Variants in RNF4 observed in about 807,000 individuals in gnomAD.
RNF4 encodes the protein E3 ubiquitin-protein ligase RNF4.
A neutral mutation model predicts 24.3 loss-of-function variants in RNF4; 7 were observed. That is an observed-to-expected ratio of 0.29 (90% CI 0.16 to 0.54). The LOEUF (loss-of-function observed/expected upper bound fraction) is 0.54, where lower values mean the gene tolerates loss of function less well. Among genes scored for constraint, RNF4 ranks in the 20% least tolerant of loss-of-function variants. RNF4 has a pLI of 0.95. For synonymous variants in RNF4, 83 were observed against 84.3 expected (o/e 0.98, Z 0.09); for missense variants, 209 against 248.5 (o/e 0.84, Z 1.07).
intron 1 of RNF4, chr4:2,480,465 G>A (rs961179809): frequency 6.6e-6 from 1 of 151,804 alleles, no homozygotes; most frequent in Non-Finnish European, 1.5e-5. Flanking sequence ...TAGAGGTGGG[G>A]TTTCACCATG....
At chr4:2,472,762 C>G (rs920524188) in intron 1 of RNF4, among the ~76,000 whole-genome samples, 3 of 152,172 alleles carry the variant, frequency 2.0e-5, no homozygotes, top group Admixed American at 6.5e-5. Flanking sequence ...ATATTTGTCT[C>G]CAGGCACGGT....
At chr4:2,478,496 G>T (rs558413835) in intron 1 of RNF4, among the ~76,000 whole-genome samples, 8 of 152,334 alleles carry the variant, frequency 5.3e-5, no homozygotes, top group African/African-American at 1.7e-4. Flanking sequence ...TGGGCCCAGG[G>T]TTCCCCTGCT....
At chr4:2,475,331 TTTTG>T (rs35342608) in intron 1 of RNF4, among the ~76,000 whole-genome samples, 241 of 146,610 alleles carry the variant, frequency 1.6e-3, no homozygotes, top group Non-Finnish European at 2.6e-3. Context: ...GCACCTGGCT[TTTTG>T]TTTGTTTGTT....
chr4:2,477,692 T>C (rs893311076), intron 1 of RNF4, among the ~76,000 whole-genome samples: 1 of 152,206 alleles, frequency 6.6e-6, no homozygotes, highest in Non-Finnish European at 1.5e-5. Flanking sequence ...CTCCTTGCCT[T>C]CCGCCATGAT....
intron 1 of RNF4, chr4:2,470,023 A>T (rs777676095): frequency 6.6e-6 from 1 of 152,260 alleles, no homozygotes; most frequent in African/African-American, 2.4e-5. Flanking sequence ...AAAAGGATAG[A>T]GCTTGGGCAA....
rs773587391 is a variant in RNF4 at position 2,512,505 on chromosome 4, C to A, written c.282C>A (p.Ser94Arg). 120 of 1,613,682 alleles carry A rather than the reference C, an allele frequency of 7.4e-5. No homozygotes were observed. Among genetic ancestry groups the A allele is most frequent in the Middle Eastern group, 1.6e-4 (1 of 6,084 alleles). ...ACCATGCTGACAGCTGTGTGGTGAG[C>A]AGTGACGATGAGGAGTTGTCCAGGG... is the stretch of plus-strand genomic sequence containing the variant. ...PQDHADSCVV[S>R]SDDEELSRDR... Residue 94 changes from serine (S) to arginine (R), a missense_variant, in exon 6 of 8, where the codon AGC becomes AGA. Transcript: ENST00000314289. The surrounding 1 kb of genome is among the most constrained non-coding windows in gnomAD (Gnocchi z 4.1).
intron 1 of RNF4, chr4:2,481,133 C>T (rs1225542000): frequency 6.6e-6 from 1 of 152,240 alleles, no homozygotes; most frequent in Non-Finnish European, 1.5e-5. Context: ...CTCTCTTTGC[C>T]TCCACTTCTC....
chr4:2,471,827 G>A (rs146977648), intron 1 of RNF4, among the ~76,000 whole-genome samples: 20 of 152,336 alleles, frequency 1.3e-4, no homozygotes, highest in Non-Finnish European at 2.5e-4. Context: ...TGAGGAAGCT[G>A]CAGAAGAAAA....
intron 1 of RNF4, among the ~76,000 whole-genome samples, chr4:2,485,316 C>CT (rs1366372927): frequency 6.6e-6 from 1 of 152,194 alleles, no homozygotes; most frequent in African/African-American, 2.4e-5. Flanking sequence ...GAGGTTTTGT[C>CT]TGAGTGACGG....
chr4:2,470,827 CT>C (rs35847184), intron 1 of RNF4, among the ~76,000 whole-genome samples: 77,465 of 147,858 alleles, frequency 0.52, 21,455 homozygotes, highest in African/African-American at 0.74. Flanking sequence ...CAAATACTGC[CT>C]TTTTTTTTTT....
In RNF4 at chr4:2,512,239, G is replaced by A. The variant is rs966399744; in HGVS notation, c.215-199G>A. ...GCTGGTAGCTCACAGCAGGGGTTGG[G>A]GGGTTTCTCCTGGGAAGATAAGATA... On this transcript the variant is annotated intron_variant, in intron 5 of 7. Transcript: ENST00000314289. The surrounding 1 kb of genome is among the most constrained non-coding windows in gnomAD (Gnocchi z 4.1). 6 of 693,738 alleles carry A rather than the reference G, an allele frequency of 8.6e-6. No individual in the cohort carries two copies. The African/African-American group carries it at 1.1e-4, about 12-fold the overall frequency. 43.0% of individuals were successfully genotyped at this position (693,738 alleles called of 1,614,324 possible).
chr4:2,471,326 A>G (rs942212439), intron 1 of RNF4, among the ~76,000 whole-genome samples: 4 of 152,162 alleles, frequency 2.6e-5, no homozygotes, highest in African/African-American at 7.2e-5. Flanking sequence ...TTGGGTTACC[A>G]TGAATAGCAC....
chr4:2,485,243 C>T (rs1474702151), intron 1 of RNF4, among the ~76,000 whole-genome samples: 1 of 152,196 alleles, frequency 6.6e-6, no homozygotes, highest in Non-Finnish European at 1.5e-5. Context: ...AGCTCACTGG[C>T]CGCCTTTCAG....
intron 1 of RNF4, among the ~76,000 whole-genome samples, chr4:2,470,217 G>A (rs1395430011): frequency 6.6e-6 from 1 of 152,204 alleles, no homozygotes; most frequent in Non-Finnish European, 1.5e-5. Flanking sequence ...AAAGTGAAGT[G>A]GTCTGCCCAA....
At position 2,485,780 on chromosome 4, in the gene RNF4, G is replaced by A. The variant is rs115981510; in HGVS notation, c.-157-4557G>A. On this transcript the variant is annotated intron_variant, in intron 1 of 7. Transcript: ENST00000314289. ...AATATGAGCATCTGCTTTGTGTAAG[G>A]TCTTAGCTAGGTAGAAAGTAAATAG... Among the ~76,000 whole-genome samples the A allele has an allele frequency of 7.8e-3, 1,192 of 152,222 alleles. 20 individuals carry two copies. Among genetic ancestry groups the A allele is most frequent in the African/African-American group, 0.026 (1,096 of 41,520 alleles).
At position 2,479,078 on chromosome 4, in the gene RNF4, T is replaced by C. The variant is rs545696561; in HGVS notation, c.-158+9820T>C. 2.0e-4 allele frequency among the ~76,000 whole-genome samples: 30 copies of C among 152,306 alleles called. 1 individual carries two copies. The South Asian group carries it at 2.9e-3, about 15-fold the overall frequency. ...AGACATGGAGTCAAAGGAGATCATT[T>C]TGGAGCTTTGAGATTTGGACTGCTC... On this transcript the variant is annotated intron_variant, in intron 1 of 7. Coordinates refer to ENST00000314289, the MANE Select transcript of RNF4 (RefSeq NM_002938.5).
At chr4:2,472,459 A>G (rs908193620) in intron 1 of RNF4, among the ~76,000 whole-genome samples, 1 of 152,180 alleles carries the variant, frequency 6.6e-6, no homozygotes, top group African/African-American at 2.4e-5. Flanking sequence ...TACTTAAGAA[A>G]TGCATCTTGA....
chr4:2,485,269 A>G (rs1267864284), intron 1 of RNF4, among the ~76,000 whole-genome samples: 2 of 152,132 alleles, frequency 1.3e-5, no homozygotes, highest in African/African-American at 4.8e-5. Context: ...CAGCCTGTGC[A>G]TTGCAGCTGT....
rs1050482087 is a variant in RNF4, at chr4:2,511,951, A to T, written c.205-5A>T. ...CTCTTTTGTTTTTCTCCTTCTGTTT[A>T]CAAGATTGTTGACGGTGAGTGGTTT... is the stretch of plus-strand genomic sequence containing the variant. On this transcript the variant is annotated splice_region_variant and splice_polypyrimidine_tract_variant and intron_variant, in intron 4 of 7. Coordinates refer to ENST00000314289, the MANE Select transcript of RNF4 (RefSeq NM_002938.5). 23 of 1,605,840 alleles carry T rather than the reference A, an allele frequency of 1.4e-5. No homozygotes were observed. The highest frequency in any genetic ancestry group is 1.9e-5 in the Non-Finnish European group (22 of 1,175,944).
Sources: allele counts gnomAD v4.1 joint callset (sites outside exome capture counted in the v4.1 genomes callset), GRCh38; gene constraint gnomAD v4.1.1; non-coding constraint Gnocchi (gnomAD v3.1); transcripts MANE v1.5; gene names NCBI Gene and HGNC (gene_info 2026-07-23, HGNC 2026-07-21).